The following KDM7A variants were observed in gnomAD, a reference collection of about 807,000 sequenced individuals.
KDM7A encodes the protein lysine-specific demethylase 7A.
A neutral mutation model predicts 114.8 loss-of-function variants in KDM7A; 28 were observed. The ratio of observed to expected loss-of-function variants is 0.24; its 90% confidence interval spans 0.18 to 0.33. The LOEUF (loss-of-function observed/expected upper bound fraction) is 0.33. KDM7A is among the 10% of genes least tolerant of loss of function. KDM7A has a pLI of 1.00. For synonymous variants in KDM7A, 423 were observed against 397.8 expected (o/e 1.06, Z -0.75); for missense variants, 942 against 1,142.5 (o/e 0.82, Z 2.53).
chr7:140,090,984 G>A lies in KDM7A; in HGVS notation c.*110C>T. 1 of 754,488 alleles carries A rather than the reference G, an allele frequency of 1.3e-6. No individual in the cohort carries two copies. The highest frequency in any genetic ancestry group is 2.4e-6 in the Non-Finnish European group (1 of 424,486). The allele number at this position is 754,488 out of a possible 1,614,324, so 46.7% of individuals were successfully genotyped here. The stretch of plus-strand genomic sequence containing the variant: ...AGGTTCATTCTGTTCTTCGGGCAGT[G>A]TTCTTACTATACACACAAACTGCTC... On this transcript the variant is annotated 3_prime_UTR_variant, in exon 20 of 20. Coordinates refer to ENST00000397560, the MANE Select transcript of KDM7A (RefSeq NM_030647.2).
intron 1 of KDM7A, among the ~76,000 whole-genome samples, chr7:140,173,043 T>C (rs147089606): frequency 6.6e-5 from 10 of 152,308 alleles, no homozygotes; most frequent in African/African-American, 2.2e-4. Context: ...GAAACTCTAA[T>C]ACAATTCAAT....
rs776896617 is a variant in KDM7A, at chr7:140,124,706, G to A, written c.966C>T (p.Thr322=). Residue 322 remains threonine, a synonymous_variant, in exon 7 of 20, where the codon ACC becomes ACT. Transcript: ENST00000397560. The stretch of plus-strand genomic sequence containing the variant: ...TATCTCCAAAGAACACCTCACTCTG[G>A]GTCACAGATGAACTCCAAGATTCAT... The part of the protein sequence containing the change: ...ARYESWSSSV[T]QSEVFFGDKV... 1 of 1,612,476 alleles carries A rather than the reference G, an allele frequency of 6.2e-7. No individual in the cohort carries two copies. The highest frequency in any genetic ancestry group is 2.2e-5 in the East Asian group (1 of 44,816).
In KDM7A at chr7:140,091,010, C is replaced by A. The variant is rs1818008745; in HGVS notation, c.*84G>T. ...TTCTTACTATACACACAAACTGCTC[C>A]AGGCAGGGGGACAGCGGAAGCTCCA... On this transcript the variant is annotated 3_prime_UTR_variant, in exon 20 of 20. Transcript: ENST00000397560. 2 of 943,532 alleles carry A rather than the reference C, an allele frequency of 2.1e-6. No individual in the cohort carries two copies. The highest frequency in any genetic ancestry group is 3.5e-6 in the Non-Finnish European group (2 of 576,998). The allele number at this position is 943,532 out of a possible 1,614,324, so 58.4% of individuals were successfully genotyped here. A position where few individuals can be genotyped will look rare whatever the true frequency, so the allele number is the denominator to read the frequency against.
intron 3 of KDM7A, 79 bp from the exon 4 acceptor site, chr7:140,129,732 A>T: frequency 7.4e-6 from 6 of 813,850 alleles, no homozygotes; most frequent in Non-Finnish European, 1.2e-5. Flanking sequence ...TGATGGGTTA[A>T]TTCATATACT....
intron 1 of KDM7A, among the ~76,000 whole-genome samples, chr7:140,154,183 C>T (rs190865471): frequency 3.2e-4 from 48 of 152,190 alleles, no homozygotes; most frequent in Admixed American, 1.1e-3. Flanking sequence ...CCTTAAAAAA[C>T]ATTTTTTTTA....
At chr7:140,095,619 T>C in intron 17 of KDM7A, 2 of 284,516 alleles carry the variant, frequency 7.0e-6, no homozygotes, top group Non-Finnish European at 7.1e-6. Flanking sequence ...GGCTCACACC[T>C]GTAATCTCAG....
intron 18 of KDM7A, among the ~76,000 whole-genome samples, chr7:140,092,416 C>T (rs1321933868): frequency 2.6e-5 from 4 of 152,204 alleles, no homozygotes; most frequent in Non-Finnish European, 4.4e-5. Flanking sequence ...TCCCACTTCC[C>T]TGGCAAGTCA....
chr7:140,122,168 C>T (rs1165877079), intron 7 of KDM7A, among the ~76,000 whole-genome samples: 2 of 152,228 alleles, frequency 1.3e-5, no homozygotes, highest in Non-Finnish European at 2.9e-5. Flanking sequence ...TTGCCACTGA[C>T]ACACACCTAG....
Position 140,091,057 on chromosome 7 carries a change from G to C in KDM7A, c.*37C>G. ...TCCAGGCTCCTGCACCCCTAGACTG[G>C]TCTCCAAAGGGAAGAATGGCTGCAA... On this transcript the variant is annotated 3_prime_UTR_variant, in exon 20 of 20. Coordinates refer to ENST00000397560, the MANE Select transcript of KDM7A (RefSeq NM_030647.2). The C allele has an allele frequency of 6.7e-7, 1 of 1,483,918 alleles. No homozygotes were observed. Among genetic ancestry groups the C allele is most frequent in the Non-Finnish European group, 9.4e-7 (1 of 1,061,112 alleles). 91.9% of individuals were successfully genotyped at this position (1,483,918 alleles called of 1,614,324 possible).
intron 1 of KDM7A, among the ~76,000 whole-genome samples, chr7:140,156,257 G>C (rs17192305): frequency 0.22 from 33,091 of 152,088 alleles, 4,338 homozygotes; most frequent in Non-Finnish European, 0.29. Context: ...ATTCTACTTT[G>C]ACAGCCATGT....
chr7:140,123,951 T>A (rs1331518357), intron 7 of KDM7A, among the ~76,000 whole-genome samples: 1 of 151,656 alleles, frequency 6.6e-6, no homozygotes, highest in Admixed American at 6.6e-5. Context: ...GCGCCTGTAG[T>A]CCCAGCTACT....
chr7:140,106,218 A>C (rs1342947123), intron 11 of KDM7A, among the ~76,000 whole-genome samples: 1 of 151,664 alleles, frequency 6.6e-6, no homozygotes, highest in African/African-American at 2.4e-5. Flanking sequence ...CAATTTTGTT[A>C]ATCTTTTCGA....
Position 140,176,671 on chromosome 7 carries a change from G to C in KDM7A, c.194+73C>G, listed in dbSNP as rs1225305835. 2.0e-6 allele frequency: 2 copies of C among 1,015,692 alleles called. No homozygotes were observed. The highest frequency in any genetic ancestry group is 8.5e-5 in the South Asian group (2 of 23,536). The allele number at this position is 1,015,692 out of a possible 1,614,324, so 62.9% of individuals were successfully genotyped here. A position where few individuals can be genotyped will look rare whatever the true frequency, so the allele number is the denominator to read the frequency against. On this transcript the variant is annotated intron_variant, in intron 1 of 19. Coordinates refer to ENST00000397560, the MANE Select transcript of KDM7A (RefSeq NM_030647.2). This position sits in a 1 kb window ranked among gnomAD's most constrained non-coding sequence, Gnocchi z 4.4. Reference sequence around the variant, plus strand: ...CGGCGGCCCGGCCCGAGGGAGGCGCGGGCGGCCGGCGGCGGCGGCGGTTGG... The same window carrying C: ...CGGCGGCCCGGCCCGAGGGAGGCGCCGGCGGCCGGCGGCGGCGGCGGTTGG...
chr7:140,102,250 C>T, intron 11 of KDM7A, 90 bp from the exon 12 acceptor site: 1 of 962,116 alleles, frequency 1.0e-6, no homozygotes, highest in Non-Finnish European at 1.6e-6. Context: ...TTTCAGAAAA[C>T]AAAAACCATT....
At chr7:140,115,019 C>T (rs560318990) in intron 9 of KDM7A, among the ~76,000 whole-genome samples, 77 of 152,104 alleles carry the variant, frequency 5.1e-4, no homozygotes, top group Non-Finnish European at 9.4e-4. Context: ...GCCCGGCAGC[C>T]GCCCCGTCCA....
intron 11 of KDM7A, among the ~76,000 whole-genome samples, chr7:140,108,621 T>C (rs1361765590): frequency 6.6e-6 from 1 of 152,198 alleles, no homozygotes; most frequent in Non-Finnish European, 1.5e-5. Context: ...TGCCTGATCC[T>C]TCCTCTGGAA....
chr7:140,129,425 T>C, intron 4 of KDM7A, 68 bp downstream of exon 4: 2 of 1,245,234 alleles, frequency 1.6e-6, no homozygotes, highest in African/African-American at 1.5e-5. Flanking sequence ...TAACCATTAA[T>C]ATTACCAGGA....
At chr7:140,133,304 C>G (rs1316465144) in intron 3 of KDM7A, among the ~76,000 whole-genome samples, 1 of 152,078 alleles carries the variant, frequency 6.6e-6, no homozygotes, top group African/African-American at 2.4e-5. Flanking sequence ...ACAGGGTGAC[C>G]CAGTGTGCAC....
intron 1 of KDM7A, among the ~76,000 whole-genome samples, chr7:140,150,475 G>T (rs1368826379): frequency 6.6e-6 from 1 of 152,162 alleles, no homozygotes; most frequent in Non-Finnish European, 1.5e-5. Flanking sequence ...AAAGAATGAT[G>T]CAGCTCTGTA....
Sources: allele counts gnomAD v4.1 joint callset (sites outside exome capture counted in the v4.1 genomes callset), GRCh38; gene constraint gnomAD v4.1.1; non-coding constraint Gnocchi (gnomAD v3.1); transcripts MANE v1.5; gene names NCBI Gene and HGNC (gene_info 2026-07-23, HGNC 2026-07-21).